Variants in RCAN2 observed in about 807,000 individuals in gnomAD.
The protein encoded by RCAN2 is regulator of calcineurin 2.
Under a neutral mutation model 23.6 loss-of-function variants are expected in RCAN2, and 9 were observed. The ratio of observed to expected loss-of-function variants is 0.38; its 90% confidence interval spans 0.23 to 0.67. The LOEUF is 0.67. RCAN2 is among the 30% of genes least tolerant of loss of function. The pLI is 0.51. For missense variants in RCAN2, 273 were observed against 302.3 expected (o/e 0.90, Z 0.72); for synonymous variants, 109 against 115.7 (o/e 0.94, Z 0.37).
chr6:46,327,401 T>C (rs1484595256), intron 2 of RCAN2, among the ~76,000 whole-genome samples: 1 of 151,958 alleles, frequency 6.6e-6, no homozygotes, highest in Non-Finnish European at 1.5e-5. Flanking sequence ...ACTAGAAATG[T>C]CCAAAGGAAA....
chr6:46,317,077 C>T (rs1763463453), intron 2 of RCAN2, among the ~76,000 whole-genome samples: 1 of 152,144 alleles, frequency 6.6e-6, no homozygotes, highest in Admixed American at 6.5e-5. Context: ...CACAGATTAT[C>T]CCTCACTGAG....
At chr6:46,260,785 A>G (rs560042529) in intron 2 of RCAN2, among the ~76,000 whole-genome samples, 3 of 152,292 alleles carry the variant, frequency 2.0e-5, no homozygotes, top group African/African-American at 7.2e-5. Flanking sequence ...TGGGTCTATG[A>G]AAATGTAAGA....
At chr6:46,433,599 T>C (rs774131494) in intron 2 of RCAN2, among the ~76,000 whole-genome samples, 1 of 152,038 alleles carries the variant, frequency 6.6e-6, no homozygotes, top group South Asian at 2.1e-4. Flanking sequence ...GGCTTTGAAG[T>C]TGGAGGAAGG....
At chr6:46,348,472 A>C (rs535752548) in intron 2 of RCAN2, among the ~76,000 whole-genome samples, 9 of 151,916 alleles carry the variant, frequency 5.9e-5, no homozygotes, top group Admixed American at 4.6e-4. Context: ...CTCACTGCTG[A>C]CTCTAGGGCC....
chr6:46,405,114 T>C (rs1766360731), intron 2 of RCAN2, among the ~76,000 whole-genome samples: 1 of 152,046 alleles, frequency 6.6e-6, no homozygotes, highest in Non-Finnish European at 1.5e-5. Context: ...TCGCGGTGAG[T>C]GTTACAGCTC....
At chr6:46,226,855 T>A (rs1295517489) in intron 4 of RCAN2, among the ~76,000 whole-genome samples, 3 of 152,210 alleles carry the variant, frequency 2.0e-5, no homozygotes, top group Admixed American at 2.0e-4. Flanking sequence ...GGCATCCCTG[T>A]CTTGTGCCAG....
intron 2 of RCAN2, among the ~76,000 whole-genome samples, chr6:46,348,431 C>T (rs1764551762): frequency 6.6e-6 from 1 of 152,166 alleles, no homozygotes; most frequent in African/African-American, 2.4e-5. Flanking sequence ...ACCCCTTTCT[C>T]TTCCAAGCAC....
chr6:46,372,757 G>A (rs1765355809), intron 2 of RCAN2, among the ~76,000 whole-genome samples: 1 of 152,196 alleles, frequency 6.6e-6, no homozygotes, highest in Admixed American at 6.5e-5. Flanking sequence ...AGCAAAACCT[G>A]CCCCAGAATT....
At chr6:46,353,594 C>G (rs1389148809) in intron 2 of RCAN2, among the ~76,000 whole-genome samples, 1 of 152,128 alleles carries the variant, frequency 6.6e-6, no homozygotes, top group African/African-American at 2.4e-5. Context: ...TTACAAATGT[C>G]CCTATTTAAC....
At chr6:46,483,152 C>A (rs186402369) in intron 1 of RCAN2, among the ~76,000 whole-genome samples, 38 of 152,304 alleles carry the variant, frequency 2.5e-4, no homozygotes, top group Non-Finnish European at 5.1e-4. Flanking sequence ...ATAAGTGATC[C>A]CATCTAGAGA....
Position 46,221,866 on chromosome 6 carries a change from A to G in RCAN2, c.*1275T>C. On this transcript the variant is annotated 3_prime_UTR_variant, in exon 5 of 5. Transcript: ENST00000371374. ...ATGGTTCTATAGGTGTATCTTCTGTAATGCACTTTGGGCTAGAGAAATAGA... is the reference window on the plus strand; with the variant it reads ...ATGGTTCTATAGGTGTATCTTCTGTGATGCACTTTGGGCTAGAGAAATAGA... 2.5e-6 allele frequency: 1 copy of G among 398,414 alleles called. No homozygotes were observed. Among genetic ancestry groups the G allele is most frequent in the Non-Finnish European group, 4.4e-6 (1 of 225,902 alleles). The allele number at this position is 398,414 out of a possible 1,614,324, so 24.7% of individuals were successfully genotyped here. A position where few individuals can be genotyped will look rare whatever the true frequency, so the allele number is the denominator to read the frequency against.
chr6:46,339,327 T>C (rs1483098341), intron 2 of RCAN2, among the ~76,000 whole-genome samples: 3 of 152,074 alleles, frequency 2.0e-5, no homozygotes, highest in African/African-American at 7.2e-5. Flanking sequence ...TTAAGTTTGG[T>C]GCAGGAAGGA....
intron 2 of RCAN2, among the ~76,000 whole-genome samples, chr6:46,402,472 T>C (rs939087656): frequency 6.6e-6 from 1 of 152,156 alleles, no homozygotes; most frequent in African/African-American, 2.4e-5. Flanking sequence ...CAGAACCCTT[T>C]TCCCCAAAGC....
chr6:46,396,150 G>A (rs1766082236), intron 2 of RCAN2, among the ~76,000 whole-genome samples: 1 of 152,088 alleles, frequency 6.6e-6, no homozygotes, highest in Non-Finnish European at 1.5e-5. Context: ...TTTTCTACTT[G>A]ATTGAATTCT....
chr6:46,473,285 A>G (rs1302296070), intron 1 of RCAN2, among the ~76,000 whole-genome samples: 1 of 152,162 alleles, frequency 6.6e-6, no homozygotes, highest in Admixed American at 6.5e-5. Flanking sequence ...ATGATAATCA[A>G]TTATGACTCT....
chr6:46,315,029 C>T (rs947026198), intron 2 of RCAN2, among the ~76,000 whole-genome samples: 8 of 152,184 alleles, frequency 5.3e-5, no homozygotes, highest in African/African-American at 1.9e-4. Context: ...CCACTGCATT[C>T]CAGCCTGGGC....
chr6:46,223,167 C>G lies in RCAN2; in HGVS notation c.706G>C (p.Gly236Arg), dbSNP rs1765533393. 1 of 1,613,546 alleles carries G rather than the reference C, an allele frequency of 6.2e-7. No homozygotes were observed. The highest frequency in any genetic ancestry group is 8.5e-7 in the Non-Finnish European group (1 of 1,179,940). ...CAGTTGGACACGGAGGGTGGCAGGC[C>G]AGGACGCCGAGTTTGGATGATTTTT... Reference protein sequence around the residue: ...KPKIIQTRRPGLPPSVSN With the variant: ...KPKIIQTRRPRLPPSVSN Residue 236 changes from glycine (G) to arginine (R), a missense_variant, in exon 5 of 5, where the codon GGC (glycine) becomes CGC (arginine). Physicochemically the swap from Gly to Arg is moderately radical, Grantham distance 125. Coordinates refer to ENST00000371374, the MANE Select transcript of RCAN2 (RefSeq NM_001251974.2).
chr6:46,359,274 G>A (rs1764927645), intron 2 of RCAN2, among the ~76,000 whole-genome samples: 1 of 152,182 alleles, frequency 6.6e-6, no homozygotes, highest in Admixed American at 6.5e-5. Flanking sequence ...AAAATCACAT[G>A]GAGAAAAATA....
intron 2 of RCAN2, among the ~76,000 whole-genome samples, chr6:46,394,431 G>A (rs944351426): frequency 8.5e-5 from 13 of 152,122 alleles, no homozygotes; most frequent in Non-Finnish European, 1.6e-4. Context: ...ATGTGGCTGG[G>A]CATGCTAGAG....
Sources: gnomAD v4.1 joint callset for allele counts (sites outside exome capture counted in the v4.1 genomes callset) on GRCh38, gnomAD v4.1.1 for gene constraint, MANE v1.5 for transcripts, NCBI Gene and HGNC (gene_info 2026-07-23, HGNC 2026-07-21) for gene names.